The following CASP8 variants were observed in gnomAD, a reference collection of about 807,000 sequenced individuals.
The protein encoded by CASP8 is caspase 8, also known as caspase-8.
Under a neutral mutation model 46.3 loss-of-function variants are expected in CASP8, and 24 were observed. The ratio of observed to expected loss-of-function variants is 0.52; its 90% CI spans 0.38 to 0.73. CASP8 has a LOEUF of 0.73. Among genes scored for constraint, CASP8 ranks in the 30% least tolerant of loss-of-function variants. The pLI, the probability that CASP8 is intolerant of heterozygous loss-of-function variation, is 0.00. For missense variants in CASP8, 460 were observed against 559.0 expected (o/e 0.82, Z 1.79); for synonymous variants, 188 against 200.4 (o/e 0.94, Z 0.52).
At chr2:201,276,020 C>T (rs576701193) in intron 6 of CASP8, among the ~76,000 whole-genome samples, 2 of 152,166 alleles carry the variant, frequency 1.3e-5, no homozygotes, top group African/African-American at 4.8e-5. Flanking sequence ...ATTAAGATAA[C>T]AGGTTATTTG....
In CASP8 at chr2:201,284,977, A is replaced by G. The variant is rs1187190975; in HGVS notation, c.964A>G (p.Ile322Val). ...TATCCTCTCCCATGGAGACAAGGGC[A>G]TCATCTATGGCACTGATGGACAGGA... ...CCILSHGDKG[I>V]IYGTDGQEAP... Residue 322 changes from isoleucine to valine, a missense_variant, in exon 8 of 9, where the codon ATC (isoleucine) becomes GTC (valine). Transcript: ENST00000673742. 1.9e-6 allele frequency: 3 copies of G among 1,614,028 alleles called. No individual in the cohort carries two copies. Among genetic ancestry groups the G allele is most frequent in the African/African-American group, 1.3e-5 (1 of 74,910 alleles).
intron 7 of CASP8, chr2:201,277,702 A>ATTTT: frequency 1.7e-5 from 7 of 403,018 alleles, no homozygotes; most frequent in East Asian, 8.6e-5. Context: ...CCCTATTAAC[A>ATTTT]TTTTTTTTTT....
Position 201,285,141 on chromosome 2 carries a change from G to C in CASP8, c.1128G>C (p.Glu376Asp), listed in dbSNP as rs549753655. 2.7e-4 allele frequency: 442 copies of C among 1,614,164 alleles called. 6 individuals carry two copies. The South Asian group carries it at 4.4e-3, about 16-fold the overall frequency. ...QKGIPVETDS[E>D]EQPYLEMDLS... is the part of the protein sequence containing the mutation. ...GTATACCTGTTGAGACTGATTCAGA[G>C]GAGCAACCCTATTTAGAAATGGATT... The change falls in exon 8 of 9, where the codon GAG (glutamate) becomes GAC (aspartate). Residue 376 changes from glutamate to aspartate, a missense_variant. Coordinates refer to ENST00000673742, the MANE Select transcript of CASP8 (RefSeq NM_001372051.1).
intron 2 of CASP8, among the ~76,000 whole-genome samples, chr2:201,245,240 T>C (rs1453733504): frequency 6.6e-6 from 1 of 152,030 alleles, no homozygotes; most frequent in African/African-American, 2.4e-5. Flanking sequence ...AGGAGGTTTT[T>C]TATTTGTTTT....
chr2:201,238,898 G>A (rs560564800), intron 2 of CASP8, among the ~76,000 whole-genome samples: 2 of 152,158 alleles, frequency 1.3e-5, no homozygotes, highest in African/African-American at 4.8e-5. Context: ...GGTTTTCCTA[G>A]GCAGAGGACC....
At chr2:201,235,151 A>G (rs921162761) in intron 2 of CASP8, among the ~76,000 whole-genome samples, 23 of 152,164 alleles carry the variant, frequency 1.5e-4, no homozygotes, top group Admixed American at 1.2e-3. Flanking sequence ...ATCTTACACT[A>G]TGACTGTAGA....
Position 201,287,376 on chromosome 2 carries a change from T to A in CASP8, c.*782T>A, listed in dbSNP as rs965420455. 6.6e-6 allele frequency: 1 copy of A among 152,472 alleles called. No individual in the cohort carries two copies. Among genetic ancestry groups the A allele is most frequent in the Non-Finnish European group, 1.5e-5 (1 of 68,186 alleles). 9.4% of individuals were successfully genotyped at this position (152,472 alleles called of 1,614,324 possible). A position where few individuals can be genotyped will look rare whatever the true frequency, so the allele number is the denominator to read the frequency against. The stretch of plus-strand genomic sequence containing the variant: ...TCACACCGCTGCACTCAAGCTTGGG[T>A]GACAGAACAAGACCCCGTCTCAAAA... On this transcript the variant is annotated 3_prime_UTR_variant, in exon 9 of 9. Transcript: ENST00000673742.
intron 2 of CASP8, chr2:201,240,646 C>T (rs1464293406): frequency 1.3e-5 from 2 of 152,122 alleles, no homozygotes; most frequent in African/African-American, 2.4e-5. Context: ...AATAAGGAAA[C>T]AGGGGACTTA....
At position 201,266,475 on chromosome 2, in the gene CASP8, C is replaced by A. The variant is rs200484909; in HGVS notation, c.-12C>A. On this transcript the variant is annotated 5_prime_UTR_variant, in exon 2 of 9. Transcript: ENST00000673742. This position sits in a 1 kb window ranked among gnomAD's most constrained non-coding sequence, Gnocchi z 5.7. ...TTTTGACTTAGATTATATTCTCCTG[C>A]CTTTTAAAAAGATGGACTTCAGCAG... 98 of 1,611,634 alleles carry A rather than the reference C, an allele frequency of 6.1e-5. 1 individual carries two copies. Among genetic ancestry groups the A allele is most frequent in the Admixed American group, 1.8e-4 (11 of 60,006 alleles).
At chr2:201,263,040 G>A (rs16836997) in intron 1 of CASP8, among the ~76,000 whole-genome samples, 7,530 of 152,250 alleles carry the variant, frequency 0.049, 253 homozygotes, top group African/African-American at 0.089. Context: ...GCATTGTCAC[G>A]TTGTTGAAAA....
chr2:201,269,700 A>G lies in CASP8; in HGVS notation c.306-1816A>G, dbSNP rs191441520. 49 of 824,556 alleles carry G rather than the reference A, an allele frequency of 5.9e-5. No homozygotes were observed. In the Middle Eastern group the frequency reaches 6.6e-4, roughly 11 times the overall value. The allele number at this position is 824,556 out of a possible 1,614,324, so 51.1% of individuals were successfully genotyped here. ...TGCTTGTTCATTATCATTGAATACT[A>G]GCCAGAAGCTAATAAATATGCTAGG... On this transcript the variant is annotated intron_variant, in intron 2 of 8. Coordinates refer to ENST00000673742, the MANE Select transcript of CASP8 (RefSeq NM_001372051.1).
intron 2 of CASP8, among the ~76,000 whole-genome samples, chr2:201,247,579 A>G (rs550241407): frequency 2.0e-5 from 3 of 151,620 alleles, no homozygotes; most frequent in Non-Finnish European, 4.4e-5. Flanking sequence ...CCCAGGTTCA[A>G]GTGATTCTCA....
chr2:201,281,840 G>A (rs9630996), intron 7 of CASP8: 1 of 1,462,090 alleles, frequency 6.8e-7, no homozygotes, highest in Non-Finnish European at 9.1e-7. Context: ...CAGGGTTTGA[G>A]AATGTTTTTA....
chr2:201,249,343 A>G (rs1237894219), intron 2 of CASP8, among the ~76,000 whole-genome samples: 2 of 152,132 alleles, frequency 1.3e-5, no homozygotes, highest in Non-Finnish European at 2.9e-5. Flanking sequence ...ACTTCACCTC[A>G]TTGTCACCTT....
At chr2:201,253,848 G>A (rs1434778287) in intron 2 of CASP8, among the ~76,000 whole-genome samples, 1 of 152,008 alleles carries the variant, frequency 6.6e-6, no homozygotes, top group African/African-American at 2.4e-5. Flanking sequence ...TTGGGAAGCC[G>A]AGGTGGGTCG....
At chr2:201,241,013 GA>G (rs1244248211) in intron 2 of CASP8, 3 of 152,114 alleles carry the variant, frequency 2.0e-5, no homozygotes, top group Non-Finnish European at 4.4e-5. Flanking sequence ...AAACTTACAG[GA>G]TAAAAGCAGT....
At chr2:201,281,980 G>A (rs1340185075) in intron 7 of CASP8, 8 of 394,362 alleles carry the variant, frequency 2.0e-5, no homozygotes, top group African/African-American at 5.8e-5. Flanking sequence ...GGTGTTTCTC[G>A]CAGAGGGGGA....
upstream of CASP8, among the ~76,000 whole-genome samples, chr2:201,259,721 T>C (rs1473104039): frequency 6.6e-6 from 1 of 152,120 alleles, no homozygotes; most frequent in African/African-American, 2.4e-5. Flanking sequence ...GGTATATCCC[T>C]AGAGCCCAAC....
Position 201,286,899 on chromosome 2 carries a change from G to A in CASP8, c.*305G>A, listed in dbSNP as rs1462958219. 2.2e-5 allele frequency: 8 copies of A among 360,762 alleles called. No homozygotes were observed. The Admixed American group carries it at 2.4e-4, about 11-fold the overall frequency. 22.3% of individuals were successfully genotyped at this position (360,762 alleles called of 1,614,324 possible). A position where few individuals can be genotyped will look rare whatever the true frequency, so the allele number is the denominator to read the frequency against. On this transcript the variant is annotated 3_prime_UTR_variant, in exon 9 of 9. Transcript: ENST00000673742. ...CTCCCAAAGTGCTGGGATTACAGGC[G>A]TGAGCCACCGCGCCTGGCCGATGGT...
Sources: allele counts gnomAD v4.1 joint callset (sites outside exome capture counted in the v4.1 genomes callset), GRCh38; gene constraint gnomAD v4.1.1; non-coding constraint Gnocchi (gnomAD v3.1); transcripts MANE v1.5; gene names NCBI Gene and HGNC (gene_info 2026-07-23, HGNC 2026-07-21).